ENTPD1: variants seen among roughly 807,000 people sequenced by gnomAD.
The protein encoded by ENTPD1 is ectonucleoside triphosphate diphosphohydrolase 1, also known as ATP diphosphohydrolase.
In ENTPD1, 33 loss-of-function variants were observed where a neutral mutation model predicts 57.0. The observed-to-expected ratio is 0.58, with a 90% CI of 0.44 to 0.77. The LOEUF (loss-of-function observed/expected upper bound fraction) is 0.77. ENTPD1 is among the 30% of genes least tolerant of loss of function. The pLI, the probability that ENTPD1 is intolerant of heterozygous loss-of-function variation, is 0.00. For synonymous variants in ENTPD1, 202 were observed against 218.8 expected (o/e 0.92, Z 0.68); for missense variants, 501 against 603.4 (o/e 0.83, Z 1.78).
Position 95,876,598 on chromosome 10 carries a change from C to T in ENTPD1, c.*10215C>T. 12 of 1,230,372 alleles carry T rather than the reference C, an allele frequency of 9.8e-6. No individual in the cohort carries two copies. The highest frequency in any genetic ancestry group is 1.2e-5 in the Non-Finnish European group (12 of 987,320). 76.2% of individuals were successfully genotyped at this position (1,230,372 alleles called of 1,614,324 possible). A position where few individuals can be genotyped will look rare whatever the true frequency, so the allele number is the denominator to read the frequency against. The stretch of plus-strand genomic sequence containing the variant: ...ACATGGAGAATACAGGATGAATCCA[C>T]TCTGTCTCCTGCAGTGAAGTCTGTT... On this transcript the variant is annotated 3_prime_UTR_variant, in exon 10 of 10. Transcript: ENST00000371205.
At chr10:95,776,136 A>G (rs1379157475) in intron 1 of ENTPD1, among the ~76,000 whole-genome samples, 1 of 152,220 alleles carries the variant, frequency 6.6e-6, no homozygotes, top group Non-Finnish European at 1.5e-5. Flanking sequence ...TAGCCCATTT[A>G]CATTTAAGGT....
intron 7 of ENTPD1, among the ~76,000 whole-genome samples, chr10:95,858,856 C>G (rs2098460294): frequency 6.6e-6 from 1 of 152,184 alleles, no homozygotes; most frequent in African/African-American, 2.4e-5. Flanking sequence ...ACCGTAGACT[C>G]TTATGTGGCC....
At chr10:95,737,683 G>A (rs567087726) in intron 1 of ENTPD1, among the ~76,000 whole-genome samples, 1 of 152,024 alleles carries the variant, frequency 6.6e-6, no homozygotes, top group South Asian at 2.1e-4. Context: ...TGCTGCAACC[G>A]GCCTAAAAAT....
the ENTPD1 span, among the ~76,000 whole-genome samples, chr10:95,696,744 G>A: frequency 6.6e-6 from 1 of 152,170 alleles, no homozygotes; most frequent in Admixed American, 6.5e-5. Flanking sequence ...GTCTTAAATT[G>A]AGATCATATA....
intron 1 of ENTPD1, among the ~76,000 whole-genome samples, chr10:95,763,958 T>G (rs1346278095): frequency 6.6e-6 from 1 of 152,228 alleles, no homozygotes; most frequent in African/African-American, 2.4e-5. Context: ...GTGTTGAAGT[T>G]GAGATTCAAA....
intron 1 of ENTPD1, among the ~76,000 whole-genome samples, chr10:95,767,748 C>T (rs969621672): frequency 4.9e-4 from 74 of 151,960 alleles, no homozygotes; most frequent in African/African-American, 1.7e-3. Flanking sequence ...AGCAATCTTT[C>T]CCCCTCAAGT....
rs1022894987 is a variant in ENTPD1, at chr10:95,868,476, A to G, written c.*2093A>G. ...CTTCCTAATTTTAATGTTTGCTCAC[A>G]GCATAGTAGATTGACATCAAATAGT... On this transcript the variant is annotated 3_prime_UTR_variant, in exon 10 of 10. Transcript: ENST00000371205. 1.0e-5 allele frequency: 10 copies of G among 985,316 alleles called. No individual in the cohort carries two copies. The South Asian group carries it at 3.8e-4, about 37-fold the overall frequency. The allele number at this position is 985,316 out of a possible 1,614,324, so 61.0% of individuals were successfully genotyped here.
intron 2 of ENTPD1, among the ~76,000 whole-genome samples, chr10:95,826,494 G>T (rs566151853): frequency 6.7e-6 from 1 of 150,134 alleles, no homozygotes; most frequent in Admixed American, 6.7e-5. Flanking sequence ...AATCACTTGG[G>T]CCCCAGAGGC....
At chr10:95,777,602 T>G (rs2098138943) in intron 1 of ENTPD1, among the ~76,000 whole-genome samples, 1 of 152,224 alleles carries the variant, frequency 6.6e-6, no homozygotes, top group African/African-American at 2.4e-5. Flanking sequence ...TTAGGCTACA[T>G]GGGGGTCAGA....
At chr10:95,695,298 A>C in the ENTPD1 span, among the ~76,000 whole-genome samples, 127,957 of 152,132 alleles carry the variant, frequency 0.84, 54,363 homozygotes, top group Non-Finnish European at 0.91. Flanking sequence ...TGATCAAAAT[A>C]TTGCTCCTCC....
chr10:95,821,165 G>A (rs910495274), intron 1 of ENTPD1, among the ~76,000 whole-genome samples: 2 of 152,214 alleles, frequency 1.3e-5, no homozygotes, highest in Admixed American at 6.5e-5. Context: ...CCCTTAGAGG[G>A]TTCTTTTCCA....
At chr10:95,790,667 T>A (rs1212246762) in intron 1 of ENTPD1, among the ~76,000 whole-genome samples, 2 of 152,196 alleles carry the variant, frequency 1.3e-5, no homozygotes, top group Non-Finnish European at 2.9e-5. Context: ...TTGGAATATT[T>A]TAAGCAAATC....
intron 1 of ENTPD1, among the ~76,000 whole-genome samples, chr10:95,818,993 G>T (rs75284071): frequency 0.032 from 4,876 of 152,198 alleles, 106 homozygotes; most frequent in South Asian, 0.08. Flanking sequence ...CAGTCACATT[G>T]GATCTGCAAA....
chr10:95,779,169 C>A (rs78650930), intron 1 of ENTPD1, among the ~76,000 whole-genome samples: 1 of 152,128 alleles, frequency 6.6e-6, no homozygotes, highest in African/African-American at 2.4e-5. Context: ...TTCCCTTTAC[C>A]TTTCCACTGT....
intron 1 of ENTPD1, among the ~76,000 whole-genome samples, chr10:95,721,947 A>G (rs1319412835): frequency 1.3e-5 from 2 of 152,166 alleles, no homozygotes; most frequent in Non-Finnish European, 2.9e-5. Context: ...CTTTGTGCTC[A>G]GGGGTGAGTT....
rs1047042204 is a variant in ENTPD1 at position 95,869,442 on chromosome 10, G to A, written c.*3059G>A. ...TTTTTGTATTTTTAGTAAAGACAGG[G>A]TTTCACCATGTTGGCCAGGCTGGTC... On this transcript the variant is annotated 3_prime_UTR_variant, in exon 10 of 10. Coordinates refer to ENST00000371205, the MANE Select transcript of ENTPD1 (RefSeq NM_001776.6). 2.8e-6 allele frequency: 2 copies of A among 722,340 alleles called. No individual in the cohort carries two copies. Among genetic ancestry groups the A allele is most frequent in the Non-Finnish European group, 1.7e-6 (1 of 590,352 alleles). 44.7% of individuals were successfully genotyped at this position (722,340 alleles called of 1,614,324 possible).
At position 95,756,250 on chromosome 10, in the gene ENTPD1, C is replaced by A. The variant is rs1728132309; in HGVS notation, c.11C>A (p.Thr4Lys). ...CAAAAGCTGCTACTTATGGAAGATA[C>A]AAAGGGTAAGACCAAAATTGATTTG... MED[T>K]KESNVKTFCS... Residue 4 changes from threonine to lysine, a missense_variant, in exon 1 of 10, where the codon ACA (threonine) becomes AAA (lysine). Thr to Lys is a moderately conservative substitution (Grantham distance 78, BLOSUM62 -1). Coordinates refer to ENST00000371205, the MANE Select transcript of ENTPD1 (RefSeq NM_001776.6). The A allele has an allele frequency of 6.3e-7, 1 of 1,592,588 alleles. No homozygotes were observed.
intron 1 of ENTPD1, among the ~76,000 whole-genome samples, chr10:95,746,896 A>G (rs904935558): frequency 6.6e-6 from 1 of 152,220 alleles, no homozygotes; most frequent in Non-Finnish European, 1.5e-5. Context: ...TCAAAGCACA[A>G]TGTCAAGTAG....
chr10:95,876,019 C>G lies in ENTPD1; in HGVS notation c.*9636C>G. 1.0e-6 allele frequency: 1 copy of G among 985,312 alleles called. No homozygotes were observed. The highest frequency in any genetic ancestry group is 1.1e-4 in the East Asian group (1 of 8,814). 61.0% of individuals were successfully genotyped at this position (985,312 alleles called of 1,614,324 possible). On this transcript the variant is annotated 3_prime_UTR_variant, in exon 10 of 10. Transcript: ENST00000371205. ...GGAAGTACAATCTCTTGCTATATGA[C>G]ACAATAATTATTTGCAAAATGAGTA...
Sources: gnomAD v4.1 joint callset for allele counts (sites outside exome capture counted in the v4.1 genomes callset) on GRCh38, gnomAD v4.1.1 for gene constraint, MANE v1.5 for transcripts, NCBI Gene and HGNC (gene_info 2026-07-23, HGNC 2026-07-21) for gene names.